The following MGA variants were observed in gnomAD, a reference collection of about 807,000 sequenced individuals.
MGA encodes MAX dimerization protein MGA, also known as MAX gene-associated protein.
Under a neutral mutation model 261.1 loss-of-function variants are expected in MGA, and 40 were observed. The ratio of observed to expected loss-of-function variants is 0.15; its 90% CI spans 0.12 to 0.20. MGA has a LOEUF of 0.20. MGA is among the 10% of genes least tolerant of loss of function. The probability of loss-of-function intolerance (pLI) is 1.00; values close to 1 mark genes in which losing one functional copy is unlikely to be tolerated. For synonymous variants in MGA, 1,302 were observed against 1,290.6 expected (o/e 1.01, Z -0.19); for missense variants, 3,397 against 3,630.5 (o/e 0.94, Z 1.65).
In MGA at chr15:41,702,925, C is replaced by G. The variant is rs543398736; in HGVS notation, c.2188+3766C>G. Among the ~76,000 whole-genome samples the G allele has an allele frequency of 2.1e-4, 24 of 113,068 alleles. No individual in the cohort carries two copies. In the South Asian group the frequency reaches 7.6e-3, roughly 36 times the overall value. 74.2% of individuals were successfully genotyped at this position (113,068 alleles called of 152,430 possible). On this transcript the variant is annotated intron_variant, in intron 5 of 23. Coordinates refer to ENST00000219905, the MANE Select transcript of MGA (RefSeq NM_001164273.2). ...TTATAGAAAAATTAAGAACACAGTG[C>G]AGAGAATACCTATTTTTTTTCCCCC...
At position 41,750,413 on chromosome 15, in the gene MGA, ATTTTCAGGGTCACTTACTGCTACC is replaced by A. The variant is rs771094538; in HGVS notation, c.6808_6831del (p.Phe2270_Pro2277del). 1.2e-4 allele frequency: 188 copies of A among 1,613,822 alleles called. No homozygotes were observed. The highest frequency in any genetic ancestry group is 1.5e-4 in the Non-Finnish European group (181 of 1,179,870). On this transcript the variant is annotated inframe_deletion, in exon 17 of 24. Transcript: ENST00000219905. Reference sequence around the variant, plus strand: ...GCAAAAAGCAGCAGAGGGAATGGACATTTTCAGGGTCACTTACTGCTACCTGGAGAACAGATACAACCAAAGCAA... The same window carrying A: ...GCAAAAAGCAGCAGAGGGAATGGACATGGAGAACAGATACAACCAAAGCAA...
intron 1 of MGA, among the ~76,000 whole-genome samples, chr15:41,627,717 T>G (rs1420159699): frequency 6.6e-6 from 1 of 152,178 alleles, no homozygotes; most frequent in Non-Finnish European, 1.5e-5. Context: ...GATATTATAA[T>G]CAAGGAAAAA....
chr15:41,748,968 A>G, intron 16 of MGA, 41 bp downstream of exon 16: 1 of 1,596,992 alleles, frequency 6.3e-7, no homozygotes, highest in Non-Finnish European at 8.5e-7. Flanking sequence ...TTGTTGAATC[A>G]CTTGGCCATA....
chr15:41,737,155 T>C (rs2061826429), intron 13 of MGA, among the ~76,000 whole-genome samples: 1 of 152,124 alleles, frequency 6.6e-6, no homozygotes, highest in African/African-American at 2.4e-5. Context: ...GGGGAAAATT[T>C]TAAAAATTTT....
intron 1 of MGA, among the ~76,000 whole-genome samples, chr15:41,651,236 T>G (rs908136470): frequency 1.3e-5 from 2 of 152,212 alleles, no homozygotes; most frequent in African/African-American, 4.8e-5. Context: ...TGTTAGAAAT[T>G]AAGTTTCCAA....
intron 5 of MGA, among the ~76,000 whole-genome samples, chr15:41,700,334 C>T (rs2059780641): frequency 6.6e-6 from 1 of 152,152 alleles, no homozygotes; most frequent in Non-Finnish European, 1.5e-5. Flanking sequence ...GCGTGAGCCA[C>T]CGCGCCCGGC....
chr15:41,731,100 ATTC>A (rs916356226), intron 11 of MGA, among the ~76,000 whole-genome samples: 3 of 152,220 alleles, frequency 2.0e-5, no homozygotes, highest in African/African-American at 7.2e-5. Context: ...ATTAATGCCA[ATTC>A]TTCTTAAAAG....
At chr15:41,683,753 G>A (rs940762815) in intron 2 of MGA, among the ~76,000 whole-genome samples, 1 of 151,362 alleles carries the variant, frequency 6.6e-6, no homozygotes, top group Non-Finnish European at 1.5e-5. Flanking sequence ...ATTATTTTTT[G>A]TAATTTTTGT....
chr15:41,713,033 A>T, intron 8 of MGA, 118 bp from the exon 9 acceptor site: 1 of 1,396,008 alleles, frequency 7.2e-7, no homozygotes, highest in Non-Finnish European at 9.7e-7. Flanking sequence ...AATCTGCATT[A>T]GTCCTGTGCT....
intron 9 of MGA, among the ~76,000 whole-genome samples, chr15:41,723,534 GC>G (rs1221915857): frequency 6.6e-6 from 1 of 152,086 alleles, no homozygotes; most frequent in Non-Finnish European, 1.5e-5. Context: ...TTCCGTCTTA[GC>G]CTCTGGAGTA....
chr15:41,670,028 T>C, intron 2 of MGA, 70 bp downstream of exon 2: 1 of 1,274,314 alleles, frequency 7.8e-7, no homozygotes, highest in Admixed American at 2.4e-5. Context: ...GGATTTAACA[T>C]CTTGGTTCTG....
intron 1 of MGA, 68 bp from the exon 2 acceptor site, chr15:41,668,760 C>CAAGAAATA: frequency 1.8e-6 from 1 of 550,938 alleles, no homozygotes; most frequent in Non-Finnish European, 3.1e-6. Flanking sequence ...TATTTTTGTT[C>CAAGAAATA]AAGAAATAAA....
rs555744370 is a variant in MGA at position 41,750,130 on chromosome 15, A to G, written c.6523A>G (p.Arg2175Gly). ...TCTGGAGAAAGACAGGGAAAGATGG[A>G]GAAAACATCTGAAGGGCCCCTTAAC... The change falls in exon 17 of 24, where the codon AGA (arginine) becomes GGA (glycine). Residue 2175 changes from arginine (R) to glycine (G), a missense_variant. By Grantham distance (125) the Arg-to-Gly change is moderately radical. This residue lies in a region of MGA where 1,410 missense variants were observed against 1,386.4 expected (regional missense o/e 1.02). Coordinates refer to ENST00000219905, the MANE Select transcript of MGA (RefSeq NM_001164273.2). 1.1e-5 allele frequency: 17 copies of G among 1,613,666 alleles called. 1 individual carries two copies. In the South Asian group the frequency reaches 1.8e-4, roughly 17 times the overall value.
intron 2 of MGA, among the ~76,000 whole-genome samples, chr15:41,677,252 C>T (rs2058434980): frequency 6.6e-6 from 1 of 152,210 alleles, no homozygotes; most frequent in African/African-American, 2.4e-5. Flanking sequence ...AGCGATCCTC[C>T]CACCCTAGCC....
intron 9 of MGA, among the ~76,000 whole-genome samples, chr15:41,722,859 C>T (rs1192327309): frequency 2.6e-5 from 4 of 152,122 alleles, no homozygotes; most frequent in Admixed American, 6.6e-5. Flanking sequence ...ACAAGTCCAT[C>T]GCTCTAAGAG....
intron 22 of MGA, among the ~76,000 whole-genome samples, chr15:41,764,318 A>G (rs1031034125): frequency 2.7e-5 from 4 of 146,302 alleles, no homozygotes; most frequent in African/African-American, 1.0e-4. Flanking sequence ...CGGTGGCGCA[A>G]TCTAGGCTCA....
Position 41,750,569 on chromosome 15 carries a change from ATGT to A in MGA, c.6967_6969del (p.Val2323del), listed in dbSNP as rs1567085405. On this transcript the variant is annotated inframe_deletion, in exon 17 of 24. Transcript: ENST00000219905. ...GATGATTCTATTGATGAAATTGTGG[ATGT>A]TGTTTCTGACTACCAGAGTGAGGAG... The A allele has an allele frequency of 3.1e-6, 5 of 1,611,366 alleles. No individual in the cohort carries two copies. In the Admixed American group the frequency reaches 8.4e-5, roughly 27 times the overall value.
intron 3 of MGA, among the ~76,000 whole-genome samples, chr15:41,697,293 T>G (rs2059590952): frequency 6.6e-6 from 1 of 152,192 alleles, no homozygotes; most frequent in South Asian, 2.1e-4. Flanking sequence ...AAAAAAGTCT[T>G]CGGGTCTTAC....
chr15:41,708,976 C>T (rs1056663784), intron 7 of MGA, among the ~76,000 whole-genome samples: 7 of 152,168 alleles, frequency 4.6e-5, no homozygotes, highest in Non-Finnish European at 8.8e-5. Flanking sequence ...ATACTTTTCT[C>T]ACCTTTTGAT....
Sources: allele counts gnomAD v4.1 joint callset (sites outside exome capture counted in the v4.1 genomes callset), GRCh38; gene constraint gnomAD v4.1.1; regional missense constraint gnomAD v4.1.1; transcripts MANE v1.5; gene names NCBI Gene and HGNC (gene_info 2026-07-23, HGNC 2026-07-21).